PCDHA8: variants seen among roughly 807,000 people sequenced by gnomAD.
PCDHA8 encodes protocadherin alpha-8.
In PCDHA8, 53 loss-of-function variants were observed where a neutral mutation model predicts 61.8. The observed-to-expected ratio is 0.86, with a 90% CI of 0.69 to 1.08. PCDHA8 has a LOEUF of 1.08. PCDHA8 is among the 50% of genes least tolerant of loss of function. The probability of loss-of-function intolerance (pLI) is 0.00; values close to 1 mark genes in which losing one functional copy is unlikely to be tolerated. For missense variants in PCDHA8, 1,293 were observed against 1,245.0 expected, an observed-to-expected ratio of 1.04 and a Z score of -0.58; for synonymous variants, 618 against 556.6, an observed-to-expected ratio of 1.11 and a Z score of -1.55.
intron 1 of PCDHA8, among the ~76,000 whole-genome samples, chr5:140,964,843 T>C (rs1229980696): frequency 6.6e-6 from 1 of 152,162 alleles, no homozygotes; most frequent in African/African-American, 2.4e-5. Flanking sequence ...TCCTACTCTG[T>C]ACCCTTGAGG....
chr5:140,945,659 G>C (rs2093824580), intron 1 of PCDHA8, among the ~76,000 whole-genome samples: 1 of 152,090 alleles, frequency 6.6e-6, no homozygotes, highest in Non-Finnish European at 1.5e-5. Context: ...GCAGAATACA[G>C]CTCCCAGAAA....
chr5:140,858,032 G>A lies in PCDHA8; in HGVS notation c.2394+14317G>A. 6.3e-7 allele frequency: 1 copy of A among 1,597,242 alleles called. No homozygotes were observed. The highest frequency in any genetic ancestry group is 8.6e-7 in the Non-Finnish European group (1 of 1,167,272). The stretch of plus-strand genomic sequence containing the variant: ...TGGCGAGCCGTCGCTGACGGCCACG[G>A]CCACTGTGCTTGTGTCGCTTGTGGA... On this transcript the variant is annotated intron_variant, in intron 1 of 3. Transcript: ENST00000531613.
At chr5:141,004,362 C>T (rs1357216048) in intron 3 of PCDHA8, among the ~76,000 whole-genome samples, 1 of 152,186 alleles carries the variant, frequency 6.6e-6, no homozygotes, top group Non-Finnish European at 1.5e-5. Flanking sequence ...AGAGACCACA[C>T]CTTGTTCTGC....
At position 140,850,000 on chromosome 5, in the gene PCDHA8, G is replaced by A. The variant is rs2150462633; in HGVS notation, c.2394+6285G>A. 7 of 1,597,068 alleles carry A rather than the reference G, an allele frequency of 4.4e-6. No individual in the cohort carries two copies. In the Admixed American group the frequency reaches 8.4e-5, roughly 19 times the overall value. ...CTGGTGGAGCGGCGGTTGGGCGAGCGCTCGCTGTCGAGCTACGTGTCAGTG... is the reference window on the plus strand; with the variant it reads ...CTGGTGGAGCGGCGGTTGGGCGAGCACTCGCTGTCGAGCTACGTGTCAGTG... On this transcript the variant is annotated intron_variant, in intron 1 of 3. Transcript: ENST00000531613.
At chr5:140,870,886 G>A (rs17844350) in intron 1 of PCDHA8, 1 of 1,613,944 alleles carries the variant, frequency 6.2e-7, no homozygotes, top group East Asian at 2.2e-5. Flanking sequence ...GAAGGTGCGC[G>A]CAGTGGATGC....
intron 1 of PCDHA8, chr5:140,966,951 C>T (rs781885198): frequency 6.2e-7 from 1 of 1,603,742 alleles, no homozygotes; most frequent in Non-Finnish European, 8.5e-7. Context: ...GGCAACGTGG[C>T]TCGCGCGCTG....
At chr5:140,983,513 C>G (rs893446292) in intron 3 of PCDHA8, among the ~76,000 whole-genome samples, 1 of 152,196 alleles carries the variant, frequency 6.6e-6, no homozygotes, top group South Asian at 2.1e-4. Flanking sequence ...TGCCTAGACA[C>G]TGTGCCAAGT....
intron 1 of PCDHA8, chr5:140,875,502 A>G (rs201298546): frequency 1.7e-5 from 28 of 1,613,494 alleles, no homozygotes; most frequent in Non-Finnish European, 2.3e-5. Context: ...GAGGCCCGGG[A>G]TCCCAGCGTC....
intron 1 of PCDHA8, chr5:140,882,798 A>AT: frequency 6.2e-7 from 1 of 1,614,236 alleles, no homozygotes; most frequent in Non-Finnish European, 8.5e-7. Flanking sequence ...CCCAACGATT[A>AT]TTTCACTTTG....
At chr5:140,874,111 G>A (rs977519429) in intron 1 of PCDHA8, among the ~76,000 whole-genome samples, 2 of 152,174 alleles carry the variant, frequency 1.3e-5, no homozygotes, top group African/African-American at 2.4e-5. Flanking sequence ...ATTACTTAAC[G>A]TTTTATAGTT....
chr5:140,847,333 C>T (rs2150399030), intron 1 of PCDHA8: 10 of 149,874 alleles, frequency 6.7e-5, no homozygotes, highest in African/African-American at 1.9e-4. Flanking sequence ...TTGTTAAATG[C>T]ACCTCTTAGG....
In PCDHA8 at chr5:141,012,204, T is replaced by C. The variant is rs1053312501; in HGVS notation, c.*2267T>C. The C allele has an allele frequency of 1.3e-5, 2 of 153,800 alleles. No homozygotes were observed. Among genetic ancestry groups the C allele is most frequent in the African/African-American group, 4.8e-5 (2 of 41,474 alleles). 9.5% of individuals were successfully genotyped at this position (153,800 alleles called of 1,614,324 possible). On this transcript the variant is annotated 3_prime_UTR_variant, in exon 4 of 4. Transcript: ENST00000531613. ...TATAATGTATCTGTACAGCACTTTT[T>C]ACATTTGCGAAGTGCTTTCCAATCC...
At chr5:140,951,426 A>T (rs1282737926) in intron 1 of PCDHA8, among the ~76,000 whole-genome samples, 1 of 152,068 alleles carries the variant, frequency 6.6e-6, no homozygotes, top group Non-Finnish European at 1.5e-5. Flanking sequence ...ACAGTTCCAC[A>T]GGCTGTAGGA....
At chr5:140,854,340 A>G in intron 1 of PCDHA8, 1 of 189,954 alleles carries the variant, frequency 5.3e-6, no homozygotes, top group Non-Finnish European at 9.6e-6. Context: ...TTTACGCTCC[A>G]GATAGCTAAA....
intron 1 of PCDHA8, among the ~76,000 whole-genome samples, chr5:140,978,596 C>T (rs2096811689): frequency 6.6e-6 from 1 of 152,204 alleles, no homozygotes; most frequent in African/African-American, 2.4e-5. Context: ...CTTAATGGGG[C>T]ACTTGAGGGC....
chr5:140,968,737 C>T, intron 1 of PCDHA8: 2 of 1,614,148 alleles, frequency 1.2e-6, no homozygotes, highest in Non-Finnish European at 1.7e-6. Flanking sequence ...GCACTTTCAA[C>T]CTGACCGTGG....
At chr5:140,927,349 G>T in intron 1 of PCDHA8, 1 of 1,614,016 alleles carries the variant, frequency 6.2e-7, no homozygotes, top group Non-Finnish European at 8.5e-7. Flanking sequence ...AGATGACGAC[G>T]AGGGAAGCAA....
intron 1 of PCDHA8, chr5:140,877,657 G>A: frequency 6.2e-7 from 1 of 1,613,570 alleles, no homozygotes; most frequent in Non-Finnish European, 8.5e-7. Flanking sequence ...GCCGCCCACC[G>A]TGAGCCGGTG....
chr5:140,941,347 T>C (rs246069), intron 1 of PCDHA8, among the ~76,000 whole-genome samples: 97,460 of 130,222 alleles, frequency 0.75, 37,726 homozygotes, highest in African/African-American at 0.94. Context: ...GATGGAGTCT[T>C]GCTCTGTTGC....
Sources: gnomAD v4.1 joint callset for allele counts (sites outside exome capture counted in the v4.1 genomes callset) on GRCh38, gnomAD v4.1.1 for gene constraint, MANE v1.5 for transcripts, NCBI Gene and HGNC (gene_info 2026-07-23, HGNC 2026-07-21) for gene names.